The following BPIFC variants were observed in gnomAD, a reference collection of about 807,000 sequenced individuals.
The protein encoded by BPIFC is BPI fold containing family C.
A neutral mutation model predicts 57.6 loss-of-function variants in BPIFC; 60 were observed. That is an observed-to-expected ratio of 1.04 (90% CI 0.85 to 1.29). The LOEUF is 1.29. Among genes scored for constraint, BPIFC ranks in the 50% most tolerant of loss-of-function variants. BPIFC has a pLI of 0.00. For synonymous variants in BPIFC, 243 were observed against 224.5 expected, an observed-to-expected ratio of 1.08 and a Z score of -0.74; for missense variants, 581 against 600.5, an observed-to-expected ratio of 0.97 and a Z score of 0.34.
In BPIFC at chr22:32,429,085, T is replaced by C. The variant is rs1934154893; in HGVS notation, c.1217+2262A>G. 2.0e-5 allele frequency among the ~76,000 whole-genome samples: 3 copies of C among 152,210 alleles called. 1 individual carries two copies. The highest frequency in any genetic ancestry group is 2.0e-4 in the Admixed American group (3 of 15,284). On this transcript the variant is annotated intron_variant, in intron 13 of 16. Transcript: ENST00000300399. ...TTCCGGATGCAAAGCTATTTTCCTCTTCCAGATGCAAAGCTATTTTATACA... is the reference window on the plus strand; with the variant it reads ...TTCCGGATGCAAAGCTATTTTCCTCCTCCAGATGCAAAGCTATTTTATACA...
intron 12 of BPIFC, 80 bp from the exon 13 acceptor site, chr22:32,431,494 CATT>C: frequency 1.0e-6 from 1 of 971,952 alleles, no homozygotes. Flanking sequence ...ATAGTTGAAA[CATT>C]ATAAGCCCAA....
chr22:32,461,038 T>C (rs932536164), intron 2 of BPIFC, among the ~76,000 whole-genome samples: 1 of 152,008 alleles, frequency 6.6e-6, no homozygotes, highest in Admixed American at 6.5e-5. Context: ...CAGGCATCCA[T>C]CGAAACAGAT....
chr22:32,432,573 T>A, intron 11 of BPIFC, 30 bp from the exon 12 acceptor site: 5 of 1,607,132 alleles, frequency 3.1e-6, no homozygotes, highest in Middle Eastern at 1.7e-4. Context: ...GAAATAAAGA[T>A]TGTGAGGCGT....
chr22:32,414,486 G>T lies in BPIFC; in HGVS notation c.1402-61C>A, dbSNP rs1307893628. 2.5e-6 allele frequency: 4 copies of T among 1,575,668 alleles called. No homozygotes were observed. The East Asian group carries it at 9.1e-5, about 36-fold the overall frequency. On this transcript the variant is annotated intron_variant, in intron 16 of 16. Transcript: ENST00000300399. ...CTTGGGCATGTCTGGGTTTGTCTGA[G>T]GCGTGAGGAAGAGATGGCTTCTTTT...
intron 13 of BPIFC, among the ~76,000 whole-genome samples, chr22:32,426,619 C>T (rs1243263342): frequency 2.6e-5 from 4 of 152,128 alleles, no homozygotes; most frequent in African/African-American, 7.2e-5. Context: ...TGACCAGGCA[C>T]GGTGGCTCAC....
intron 14 of BPIFC, among the ~76,000 whole-genome samples, chr22:32,417,388 G>A (rs1933713513): frequency 1.3e-5 from 2 of 151,998 alleles, no homozygotes; most frequent in Admixed American, 1.3e-4. Context: ...ATGTTGCCCA[G>A]TCTCAAAGTC....
intron 3 of BPIFC, among the ~76,000 whole-genome samples, chr22:32,453,706 C>A (rs1366340285): frequency 1.3e-5 from 2 of 152,154 alleles, no homozygotes; most frequent in Non-Finnish European, 2.9e-5. Context: ...TTGTCCAAGA[C>A]CACAGAGCTA....
intron 8 of BPIFC, among the ~76,000 whole-genome samples, chr22:32,440,142 T>C (rs949950659): frequency 1.3e-5 from 2 of 152,108 alleles, no homozygotes; most frequent in Non-Finnish European, 2.9e-5. Context: ...CTAATATATA[T>C]ATTTTTTGAG....
At chr22:32,457,945 T>C (rs1023584828) in intron 2 of BPIFC, among the ~76,000 whole-genome samples, 49 of 152,170 alleles carry the variant, frequency 3.2e-4, no homozygotes, top group African/African-American at 1.2e-3. Flanking sequence ...CCATTTCACA[T>C]AGATTTTTGT....
At chr22:32,433,816 G>A in intron 10 of BPIFC, 44 bp from the exon 11 acceptor site, 1 of 1,532,280 alleles carries the variant, frequency 6.5e-7, no homozygotes, top group Non-Finnish European at 9.0e-7. Flanking sequence ...ATTTTACGTG[G>A]ATTGTCTTTT....
chr22:32,455,979 T>C (rs1028353546), intron 3 of BPIFC, among the ~76,000 whole-genome samples: 1 of 152,220 alleles, frequency 6.6e-6, no homozygotes, highest in Non-Finnish European at 1.5e-5. Context: ...TAAGTGTAGG[T>C]AGGTAGGCAC....
chr22:32,421,144 T>C (rs531585660), intron 13 of BPIFC, among the ~76,000 whole-genome samples: 7 of 152,204 alleles, frequency 4.6e-5, no homozygotes, highest in African/African-American at 1.7e-4. Context: ...TTGCTTGATA[T>C]TTTATGGGAA....
intron 1 of BPIFC, among the ~76,000 whole-genome samples, chr22:32,462,189 AAG>A (rs1935179313): frequency 7.6e-5 from 11 of 143,908 alleles, no homozygotes; most frequent in African/African-American, 2.7e-4. Flanking sequence ...AAAAAAAAAA[AAG>A]AAAAAAGAAA....
chr22:32,419,515 C>A (rs1345903479), intron 13 of BPIFC, 111 bp from the exon 14 acceptor site: 4 of 1,103,016 alleles, frequency 3.6e-6, no homozygotes, highest in Admixed American at 4.4e-5. Context: ...TAAAAAAAAA[C>A]ACACAAGGCT....
In BPIFC at chr22:32,441,845, G is replaced by T. The variant is rs1459607157; in HGVS notation, c.655+826C>A. 4.6e-5 allele frequency among the ~76,000 whole-genome samples: 7 copies of T among 152,252 alleles called. No individual in the cohort carries two copies. The East Asian group carries it at 1.4e-3, about 29-fold the overall frequency. On this transcript the variant is annotated intron_variant, in intron 8 of 16. Transcript: ENST00000300399. ...TTTTTCCATGGCCTGGGGTTGGGGGGGATGGTTTCGGGATGAAACTGTTTC... is the reference window on the plus strand; with the variant it reads ...TTTTTCCATGGCCTGGGGTTGGGGGTGATGGTTTCGGGATGAAACTGTTTC...
Position 32,415,941 on chromosome 22 carries a change from C to T in BPIFC, c.1375G>A (p.Val459Ile), listed in dbSNP as rs576559991. 20 of 1,592,574 alleles carry T rather than the reference C, an allele frequency of 1.3e-5. No individual in the cohort carries two copies. The highest frequency in any genetic ancestry group is 6.9e-5 in the African/African-American group (5 of 72,682). ...PLSNPHKFLFVNSDIEVLEGF... is the reference protein window; with the variant it reads ...PLSNPHKFLFINSDIEVLEGF... ...TCAAGAACTTCAATATCTGAATTGA[C>T]GAATAAGAATTTGTGTGGATTGGAC... Residue 459 changes from valine (V) to isoleucine (I), a missense_variant, in exon 16 of 17, where the codon GTC becomes ATC. Coordinates refer to ENST00000300399, the MANE Select transcript of BPIFC (RefSeq NM_174932.3).
chr22:32,422,808 G>C (rs1187819411), intron 13 of BPIFC, among the ~76,000 whole-genome samples: 2 of 152,090 alleles, frequency 1.3e-5, no homozygotes, highest in East Asian at 3.9e-4. Context: ...GTGATATGGG[G>C]CATATCATGG....
chr22:32,417,601 G>T (rs573403456), intron 14 of BPIFC, among the ~76,000 whole-genome samples: 2 of 152,178 alleles, frequency 1.3e-5, no homozygotes, highest in South Asian at 4.2e-4. Flanking sequence ...ATATTACAGG[G>T]TTTTCTAACT....
At chr22:32,453,272 G>C (rs1934942623) in intron 4 of BPIFC, 111 bp downstream of exon 4, 4 of 847,960 alleles carry the variant, frequency 4.7e-6, no homozygotes, top group Non-Finnish European at 6.9e-6. Flanking sequence ...CAGCAGAACA[G>C]AAAAAGATAA....
Sources: gnomAD v4.1 joint callset for allele counts (sites outside exome capture counted in the v4.1 genomes callset) on GRCh38, gnomAD v4.1.1 for gene constraint, MANE v1.5 for transcripts, NCBI Gene and HGNC (gene_info 2026-07-23, HGNC 2026-07-21) for gene names.